NRDC: variants seen among roughly 807,000 people sequenced by gnomAD.
NRDC encodes nardilysin.
A neutral mutation model predicts 147.1 loss-of-function variants in NRDC; 54 were observed. The observed-to-expected ratio is 0.37, with a 90% CI of 0.29 to 0.46. NRDC has a LOEUF of 0.46. Ranked by LOEUF, NRDC falls within the 20% of genes least tolerant of loss-of-function variation. The probability of loss-of-function intolerance (pLI) is 1.00; values close to 1 mark genes in which losing one functional copy is unlikely to be tolerated. For synonymous variants in NRDC, 440 were observed against 482.1 expected, an observed-to-expected ratio of 0.91 and a Z score of 1.14; for missense variants, 1,082 against 1,370.6, an observed-to-expected ratio of 0.79 and a Z score of 3.33.
At position 51,792,035 on chromosome 1, in the gene NRDC, A is replaced by G. The variant is rs1678682015; in HGVS notation, c.2876+11T>C. 1.2e-6 allele frequency: 2 copies of G among 1,613,954 alleles called. No individual in the cohort carries two copies. The highest frequency in any genetic ancestry group is 1.3e-5 in the African/African-American group (1 of 74,924). On this transcript the variant is annotated intron_variant, in intron 26 of 30. Transcript: ENST00000352171. The stretch of plus-strand genomic sequence containing the variant: ...CTTATTTGAGCTCAGTGGCCCTGCC[A>G]GCTGACTTACCCAAGGGTCTGCTTG...
chr1:51,842,803 C>T (rs534532252), intron 1 of NRDC, among the ~76,000 whole-genome samples: 4 of 151,924 alleles, frequency 2.6e-5, no homozygotes, highest in East Asian at 1.9e-4. Context: ...CAGTGGCTTG[C>T]GCCTATAATC....
rs559064381 is a variant in NRDC, at chr1:51,840,622, A to AAC, written c.342-110_342-109dup. The AAC allele has an allele frequency of 1.6e-3, 1,141 of 715,178 alleles. 4 individuals are homozygous for AAC. The highest frequency in any genetic ancestry group is 4.0e-3 in the Middle Eastern group (11 of 2,754). 44.3% of individuals were successfully genotyped at this position (715,178 alleles called of 1,614,324 possible). ...AAAAAAGAATCCAAGTAAAAGTACA[A>AAC]ACACACACACACACAACTATTTGTA... On this transcript the variant is annotated intron_variant, in intron 1 of 30. Transcript: ENST00000352171.
At chr1:51,825,727 G>A (rs983384750) in intron 5 of NRDC, among the ~76,000 whole-genome samples, 8 of 152,166 alleles carry the variant, frequency 5.3e-5, no homozygotes, top group Non-Finnish European at 1.0e-4. Flanking sequence ...CTGGGAATTT[G>A]GTCATATATA....
At chr1:51,833,980 A>G in intron 4 of NRDC, 37 bp downstream of exon 4, 1 of 1,564,834 alleles carries the variant, frequency 6.4e-7, no homozygotes, top group Non-Finnish European at 8.8e-7. Flanking sequence ...AAGTGCCATT[A>G]GATCATTAAA....
chr1:51,826,596 T>C (rs1680456582), intron 5 of NRDC, among the ~76,000 whole-genome samples: 1 of 152,182 alleles, frequency 6.6e-6, no homozygotes, highest in Non-Finnish European at 1.5e-5. Flanking sequence ...TAAACCATCA[T>C]TAAAATAAAA....
intron 1 of NRDC, among the ~76,000 whole-genome samples, chr1:51,841,441 G>A (rs1681262119): frequency 6.6e-6 from 1 of 152,078 alleles, no homozygotes. Flanking sequence ...CAGAGTAGCT[G>A]GGATCACAGG....
chr1:51,846,145 T>G (rs1405474322), intron 1 of NRDC, among the ~76,000 whole-genome samples: 1 of 151,956 alleles, frequency 6.6e-6, no homozygotes, highest in Non-Finnish European at 1.5e-5. Flanking sequence ...CAAGCCTCAC[T>G]CTGACGCCCA....
chr1:51,854,220 T>C (rs1160574295), intron 1 of NRDC, among the ~76,000 whole-genome samples: 2 of 151,822 alleles, frequency 1.3e-5, no homozygotes, highest in Non-Finnish European at 2.9e-5. Context: ...ATACAAAAAA[T>C]AGCCAGGCGT....
chr1:51,805,379 G>A, intron 19 of NRDC, 131 bp downstream of exon 19: 1 of 660,824 alleles, frequency 1.5e-6, no homozygotes, highest in Non-Finnish European at 2.4e-6. Flanking sequence ...TTGGAGTACA[G>A]AAAAAAATAC....
At chr1:51,842,529 G>A (rs1423639503) in intron 1 of NRDC, among the ~76,000 whole-genome samples, 3 of 151,836 alleles carry the variant, frequency 2.0e-5, no homozygotes, top group African/African-American at 7.3e-5. Context: ...AAAAAACTGT[G>A]GTATATTCAT....
chr1:51,819,841 G>A lies in NRDC; in HGVS notation c.1250C>T (p.Thr417Met), dbSNP rs781153755. Reference protein sequence around the residue: ...GLPRPNFGHLTDPFDTPAFNK... With the variant: ...GLPRPNFGHLMDPFDTPAFNK... ...AAATGCTGGTGTGTCAAATGGATCC[G>A]TTAAATGGCCAAAGTTTGGTCTGGG... The change falls in exon 9 of 31, where the codon ACG becomes ATG. Residue 417 changes from threonine to methionine, a missense_variant. Thr to Met is a moderately conservative substitution (Grantham distance 81). Coordinates refer to ENST00000352171, the MANE Select transcript of NRDC (RefSeq NM_001101662.2). 1.1e-5 allele frequency: 18 copies of A among 1,607,994 alleles called. No individual in the cohort carries two copies. Among genetic ancestry groups the A allele is most frequent in the Non-Finnish European group, 1.4e-5 (17 of 1,176,930 alleles).
At chr1:51,854,363 A>T (rs1179771636) in intron 1 of NRDC, among the ~76,000 whole-genome samples, 1 of 152,134 alleles carries the variant, frequency 6.6e-6, no homozygotes, top group Admixed American at 6.5e-5. Context: ...GCAAGATGCC[A>T]TCTCAAAAAA....
At chr1:51,793,163 G>C (rs1485894533) in intron 24 of NRDC, among the ~76,000 whole-genome samples, 1 of 152,228 alleles carries the variant, frequency 6.6e-6, no homozygotes, top group East Asian at 1.9e-4. Context: ...TGCTCTCTGA[G>C]AAAGGATATG....
Position 51,824,247 on chromosome 1 carries a change from T to A in NRDC, c.1037-461A>T, listed in dbSNP as rs550928859. On this transcript the variant is annotated intron_variant, in intron 6 of 30. Coordinates refer to ENST00000352171, the MANE Select transcript of NRDC (RefSeq NM_001101662.2). Reference sequence around the variant, plus strand: ...TTCAAGCGATTCTCCTGCCTCAGCATCCCAAGTAGCTGGGACTACAGGCAT... The same window carrying A: ...TTCAAGCGATTCTCCTGCCTCAGCAACCCAAGTAGCTGGGACTACAGGCAT... Among the ~76,000 whole-genome samples, 4 of 151,628 alleles carry A rather than the reference T, an allele frequency of 2.6e-5. No homozygotes were observed. The South Asian group carries it at 8.4e-4, about 32-fold the overall frequency.
chr1:51,855,630 A>G (rs1252306485), intron 1 of NRDC, among the ~76,000 whole-genome samples: 1 of 152,100 alleles, frequency 6.6e-6, no homozygotes, highest in East Asian at 1.9e-4. Context: ...TCATTAAGAG[A>G]AAAAAACCCT....
chr1:51,847,994 AACTC>A (rs1003055082), intron 1 of NRDC, among the ~76,000 whole-genome samples: 3 of 152,230 alleles, frequency 2.0e-5, no homozygotes, highest in African/African-American at 7.2e-5. Flanking sequence ...AAAAATACAC[AACTC>A]ACTCCTTAGC....
chr1:51,792,294 G>T, intron 25 of NRDC, 83 bp downstream of exon 25: 1 of 1,439,454 alleles, frequency 6.9e-7, no homozygotes, highest in Non-Finnish European at 9.8e-7. Context: ...ACTACCCCAT[G>T]TCCCTAACCC....
chr1:51,816,394 T>TA lies in NRDC; in HGVS notation c.1362-6dup, dbSNP rs749292417. Reference sequence around the variant, plus strand: ...ATATAATGAAGTGGCTTCACCCTTTTAAAAAAATTTAATGGTCAGAAGAAA... The same window carrying TA: ...ATATAATGAAGTGGCTTCACCCTTTTAAAAAAAATTTAATGGTCAGAAGAAA... On this transcript the variant is annotated splice_region_variant and splice_polypyrimidine_tract_variant and intron_variant, in intron 10 of 30. Coordinates refer to ENST00000352171, the MANE Select transcript of NRDC (RefSeq NM_001101662.2). The TA allele has an allele frequency of 1.9e-5, 29 of 1,549,322 alleles. No individual in the cohort carries two copies. The highest frequency in any genetic ancestry group is 5.5e-5 in the African/African-American group (4 of 72,622).
At chr1:51,845,755 A>G (rs1423102918) in intron 1 of NRDC, among the ~76,000 whole-genome samples, 1 of 152,170 alleles carries the variant, frequency 6.6e-6, no homozygotes. Context: ...TGCCTGCACC[A>G]TTAGAATGTT....
Sources: gnomAD v4.1 joint callset for allele counts (sites outside exome capture counted in the v4.1 genomes callset) on GRCh38, gnomAD v4.1.1 for gene constraint, MANE v1.5 for transcripts, NCBI Gene and HGNC (gene_info 2026-07-23, HGNC 2026-07-21) for gene names.